Variants in RORB observed in about 807,000 individuals in gnomAD.
The protein encoded by RORB is RAR related orphan receptor B.
RORB carries 6 observed loss-of-function variants against 59.1 expected under a neutral mutation model. That is an observed-to-expected ratio of 0.10 (90% CI 0.06 to 0.20). The LOEUF (loss-of-function observed/expected upper bound fraction) is 0.20, where lower values mean the gene tolerates loss of function less well. RORB is among the 10% of genes least tolerant of loss of function. The probability of loss-of-function intolerance (pLI) is 1.00; values close to 1 mark genes in which losing one functional copy is unlikely to be tolerated. For missense variants in RORB, 320 were observed against 560.5 expected, an observed-to-expected ratio of 0.57 and a Z score of 4.33; for synonymous variants, 215 against 204.5, an observed-to-expected ratio of 1.05 and a Z score of -0.44.
rs113424318 is a variant in RORB, at chr9:74,542,076, T to TA, written c.7+44102dup. ...TATCTTGAAGCAAATGCAATCCTCT[T>TA]AAAAAAAAATGAAACTTCAATCCAG... On this transcript the variant is annotated intron_variant, in intron 1 of 9. Transcript: ENST00000376896. 6.8e-3 allele frequency among the ~76,000 whole-genome samples: 1,025 copies of TA among 150,926 alleles called. 13 individuals carry two copies. Among genetic ancestry groups the TA allele is most frequent in the African/African-American group, 0.023 (938 of 41,118 alleles).
Position 74,641,974 on chromosome 9 carries a change from G to T in RORB, c.236-440G>T, listed in dbSNP as rs1204320048. On this transcript the variant is annotated intron_variant, in intron 3 of 9. Coordinates refer to ENST00000376896, the MANE Select transcript of RORB (RefSeq NM_006914.4). Reference sequence around the variant, plus strand: ...GAAAACAGAAAATAGATTTGAAAGTGAAATACTAGGGTCCAATCTGGCAAT... The same window carrying T: ...GAAAACAGAAAATAGATTTGAAAGTTAAATACTAGGGTCCAATCTGGCAAT... Among the ~76,000 whole-genome samples, 4 of 151,946 alleles carry T rather than the reference G, an allele frequency of 2.6e-5. No homozygotes were observed. The East Asian group carries it at 7.7e-4, about 29-fold the overall frequency.
intron 2 of RORB, among the ~76,000 whole-genome samples, chr9:74,632,969 G>T (rs993690579): frequency 2.0e-5 from 3 of 152,116 alleles, no homozygotes; most frequent in African/African-American, 7.2e-5. Flanking sequence ...AATGCACTTG[G>T]ATCTATAGGG....
Position 74,613,161 on chromosome 9 carries a change from CTA to C in RORB, c.8-17119_8-17118del, listed in dbSNP as rs932339126. Among the ~76,000 whole-genome samples, 3 of 152,298 alleles carry C rather than the reference CTA, an allele frequency of 2.0e-5. 1 individual carries two copies. Among genetic ancestry groups the C allele is most frequent in the Admixed American group, 2.0e-4 (3 of 15,290 alleles). ...CAAAGGCATGAAGATTCATATTGAA[CTA>C]TGTTTACTGAATTCCCAGTGTGTTT... On this transcript the variant is annotated intron_variant, in intron 1 of 9. Coordinates refer to ENST00000376896, the MANE Select transcript of RORB (RefSeq NM_006914.4).
At chr9:74,611,284 C>A (rs917102035) in intron 1 of RORB, among the ~76,000 whole-genome samples, 1 of 151,982 alleles carries the variant, frequency 6.6e-6, no homozygotes, top group African/African-American at 2.4e-5. Flanking sequence ...ACCATTGGGA[C>A]AACAATTCAA....
chr9:74,681,098 G>A (rs1321013123), intron 9 of RORB, among the ~76,000 whole-genome samples: 1 of 152,122 alleles, frequency 6.6e-6, no homozygotes, highest in African/African-American at 2.4e-5. Context: ...GTCTACTTCT[G>A]CTATGGGGAT....
chr9:74,539,040 C>T (rs1826365024), intron 1 of RORB, among the ~76,000 whole-genome samples: 1 of 152,072 alleles, frequency 6.6e-6, no homozygotes, highest in Non-Finnish European at 1.5e-5. Flanking sequence ...ACCTACACTC[C>T]CTGCCCCACT....
intron 4 of RORB, among the ~76,000 whole-genome samples, chr9:74,659,775 C>T (rs1824150410): frequency 6.6e-6 from 1 of 152,078 alleles, no homozygotes; most frequent in South Asian, 2.1e-4. Context: ...TATTGCTCAA[C>T]TTTCATGTCT....
At chr9:74,676,212 C>G (rs990862252) in intron 9 of RORB, among the ~76,000 whole-genome samples, 1 of 152,168 alleles carries the variant, frequency 6.6e-6, no homozygotes, top group African/African-American at 2.4e-5. Flanking sequence ...CTTCCCCAGT[C>G]TAGCCCCTCC....
Position 74,690,149 on chromosome 9 carries a change from G to A in RORB, c.*4531G>A, listed in dbSNP as rs1036077656. 2.0e-5 allele frequency: 3 copies of A among 152,134 alleles called. No homozygotes were observed. Among genetic ancestry groups the A allele is most frequent in the African/African-American group, 4.8e-5 (2 of 41,432 alleles). The allele number at this position is 152,134 out of a possible 1,614,324, so 9.4% of individuals were successfully genotyped here. On this transcript the variant is annotated 3_prime_UTR_variant, in exon 10 of 10. Coordinates refer to ENST00000376896, the MANE Select transcript of RORB (RefSeq NM_006914.4). ...GGAAAGCCTACCATCTGCTTTAGACGAAGTGTTATTTGATGTTCTGTTTCC... is the reference window on the plus strand; with the variant it reads ...GGAAAGCCTACCATCTGCTTTAGACAAAGTGTTATTTGATGTTCTGTTTCC...
chr9:74,550,151 C>A (rs1247730693), intron 1 of RORB, among the ~76,000 whole-genome samples: 1 of 152,000 alleles, frequency 6.6e-6, no homozygotes, highest in Non-Finnish European at 1.5e-5. Flanking sequence ...TTATGTTGTA[C>A]CACTGTTAAA....
intron 5 of RORB, 104 bp downstream of exon 5, chr9:74,660,842 A>C (rs1195845284): frequency 2.5e-6 from 3 of 1,212,648 alleles, no homozygotes; most frequent in Non-Finnish European, 3.4e-6. Context: ...CTTTTCTGTA[A>C]GGGCATCCTG....
chr9:74,660,717 A>G lies in RORB; in HGVS notation c.738A>G (p.Glu246=), dbSNP rs1487671165. The change falls in exon 5 of 10, where the codon GAA becomes GAG. Residue 246 remains glutamate (E), a synonymous_variant. Coordinates refer to ENST00000376896, the MANE Select transcript of RORB (RefSeq NM_006914.4). ...CGTGGCAGACCCACACCTATGAAGA[A>G]ATTAAAGCATATCAAAGCAAGGTAC... ...QLAWQTHTYE[E]IKAYQSKSRE... The G allele has an allele frequency of 2.5e-6, 4 of 1,613,184 alleles. No individual in the cohort carries two copies. Among genetic ancestry groups the G allele is most frequent in the African/African-American group, 1.3e-5 (1 of 74,876 alleles).
intron 1 of RORB, among the ~76,000 whole-genome samples, chr9:74,508,638 T>C (rs17227876): frequency 6.6e-6 from 1 of 151,774 alleles, no homozygotes; most frequent in South Asian, 2.1e-4. Flanking sequence ...TGAGCACTTA[T>C]GATGTCTAAG....
At chr9:74,645,727 T>C (rs1302564702) in intron 4 of RORB, among the ~76,000 whole-genome samples, 2 of 152,180 alleles carry the variant, frequency 1.3e-5, no homozygotes, top group Non-Finnish European at 2.9e-5. Context: ...ATTATGCCTG[T>C]TATGTATTTG....
rs78192033 is a variant in RORB at position 74,540,066 on chromosome 9, G to A, written c.7+42083G>A. ...GAAATAAACAGAATTTACAACCTTC[G>A]CACCTTTGCACCTTCCTCTTCTAGC... is the stretch of plus-strand genomic sequence containing the variant. On this transcript the variant is annotated intron_variant, in intron 1 of 9. Transcript: ENST00000376896. Among the ~76,000 whole-genome samples the A allele has an allele frequency of 5.0e-3, 756 of 152,098 alleles. 6 individuals carry two copies. The highest frequency in any genetic ancestry group is 7.7e-3 in the Non-Finnish European group (522 of 68,012).
chr9:74,648,866 G>A (rs750819457), intron 4 of RORB, among the ~76,000 whole-genome samples: 3 of 152,104 alleles, frequency 2.0e-5, no homozygotes, highest in Non-Finnish European at 2.9e-5. Flanking sequence ...TACAGATGCC[G>A]CTTTAGGGCA....
At chr9:74,535,937 T>C (rs1457556891) in intron 1 of RORB, among the ~76,000 whole-genome samples, 1 of 152,028 alleles carries the variant, frequency 6.6e-6, no homozygotes, top group African/African-American at 2.4e-5. Flanking sequence ...CTATAAATTA[T>C]GGATATAAGG....
intron 1 of RORB, among the ~76,000 whole-genome samples, chr9:74,611,128 GAA>G (rs1214699439): frequency 2.6e-5 from 4 of 152,144 alleles, no homozygotes; most frequent in Non-Finnish European, 5.9e-5. Flanking sequence ...ACGTTAGTGT[GAA>G]AAGTGCATAA....
intron 1 of RORB, among the ~76,000 whole-genome samples, chr9:74,515,810 C>G (rs890262681): frequency 2.0e-5 from 3 of 152,022 alleles, no homozygotes; most frequent in African/African-American, 7.2e-5. Flanking sequence ...AGATCAATAT[C>G]CCAGTGACTA....
Sources: allele counts gnomAD v4.1 joint callset (sites outside exome capture counted in the v4.1 genomes callset), GRCh38; gene constraint gnomAD v4.1.1; transcripts MANE v1.5; gene names NCBI Gene and HGNC (gene_info 2026-07-23, HGNC 2026-07-21).